The following ZNF521 variants were observed in gnomAD, a reference collection of about 807,000 sequenced individuals.
ZNF521 encodes zinc finger protein 521, also known as LYST-interacting protein 3.
ZNF521 carries 14 observed loss-of-function variants against 105.5 expected under a neutral mutation model. That is an observed-to-expected ratio of 0.13 (90% confidence interval 0.09 to 0.21). The LOEUF is 0.21. ZNF521 is among the 10% of genes least tolerant of loss of function. The pLI is 1.00. For missense variants in ZNF521, 1,233 were observed against 1,629.7 expected (o/e 0.76, Z 4.19); for synonymous variants, 635 against 606.0 (o/e 1.05, Z -0.70).
At position 25,091,939 on chromosome 18, in the gene ZNF521, A is replaced by C. The variant is rs2033756487; in HGVS notation, c.3790+11T>G. 1.2e-6 allele frequency: 2 copies of C among 1,612,896 alleles called. No homozygotes were observed. The highest frequency in any genetic ancestry group is 1.7e-5 in the Admixed American group (1 of 59,874). On this transcript the variant is annotated intron_variant, in intron 6 of 7. Coordinates refer to ENST00000361524, the MANE Select transcript of ZNF521 (RefSeq NM_015461.3). The stretch of plus-strand genomic sequence containing the variant: ...AGCCTCTCCTGTGTCTTCCTGAAAT[A>C]ATCTTCCCACCTGTAAAGCAGACTG...
intron 3 of ZNF521, among the ~76,000 whole-genome samples, chr18:25,311,621 C>G (rs772173682): frequency 6.6e-6 from 1 of 152,122 alleles, no homozygotes; most frequent in Non-Finnish European, 1.5e-5. Flanking sequence ...TAGAGCCCTT[C>G]ATTTATAATT....
At chr18:25,104,398 T>C (rs1185955810) in intron 5 of ZNF521, among the ~76,000 whole-genome samples, 1 of 152,226 alleles carries the variant, frequency 6.6e-6, no homozygotes, top group Non-Finnish European at 1.5e-5. Flanking sequence ...AAGCACAGAA[T>C]TCCAATGCTG....
intron 2 of ZNF521, among the ~76,000 whole-genome samples, chr18:25,336,269 G>A (rs1913875824): frequency 6.6e-6 from 1 of 152,024 alleles, no homozygotes; most frequent in South Asian, 2.1e-4. Flanking sequence ...TGATGACTGA[G>A]GTGATGCAGA....
chr18:25,244,918 A>G (rs2144816328), intron 3 of ZNF521, among the ~76,000 whole-genome samples: 1 of 152,354 alleles, frequency 6.6e-6, no homozygotes, highest in East Asian at 1.9e-4. Context: ...GGCTAGCCTT[A>G]AAATGTAATT....
intron 7 of ZNF521, among the ~76,000 whole-genome samples, chr18:25,071,114 T>C (rs898492928): frequency 1.3e-5 from 2 of 152,216 alleles, no homozygotes; most frequent in Non-Finnish European, 2.9e-5. Flanking sequence ...TTGAGTATGC[T>C]ACTTTGTCTT....
intron 5 of ZNF521, among the ~76,000 whole-genome samples, chr18:25,135,923 T>C (rs2034725387): frequency 6.6e-6 from 1 of 152,164 alleles, no homozygotes; most frequent in Non-Finnish European, 1.5e-5. Context: ...CAGTATAACA[T>C]ATAAACAGCT....
At chr18:25,310,680 T>C (rs1912255611) in intron 3 of ZNF521, among the ~76,000 whole-genome samples, 1 of 152,168 alleles carries the variant, frequency 6.6e-6, no homozygotes, top group Non-Finnish European at 1.5e-5. Flanking sequence ...TATTGGGTTC[T>C]TACTCACCCT....
At position 25,225,029 on chromosome 18, in the gene ZNF521, A is replaced by T; in HGVS notation, c.2889T>A (p.Ile963=). ...LGPVKHYMCP[I]CGERFPSLLT... is the part of the protein sequence containing the mutation. ...AAAGGGAGGGAAACCGCTCTCCGCA[A>T]ATAGGGCACATGTAGTGTTTGACAG... Residue 963 remains isoleucine, a synonymous_variant, in exon 4 of 8, where the codon ATT becomes ATA. Transcript: ENST00000361524. This position sits in a 1 kb window ranked among gnomAD's most constrained non-coding sequence, Gnocchi z 5.6. The T allele has an allele frequency of 6.2e-7, 1 of 1,614,190 alleles. No homozygotes were observed. The highest frequency in any genetic ancestry group is 8.5e-7 in the Non-Finnish European group (1 of 1,180,034).
intron 3 of ZNF521, among the ~76,000 whole-genome samples, chr18:25,286,473 C>T (rs1910713165): frequency 6.6e-6 from 1 of 152,200 alleles, no homozygotes; most frequent in Admixed American, 6.5e-5. Context: ...TACCACCATA[C>T]AGAGGAGAGC....
At chr18:25,223,957 T>C (rs920873576) in intron 4 of ZNF521, 2 of 242,782 alleles carry the variant, frequency 8.2e-6, no homozygotes, top group African/African-American at 4.4e-5. Context: ...TAAGCCAGCA[T>C]GGTGGCTCAT....
intron 5 of ZNF521, among the ~76,000 whole-genome samples, chr18:25,141,363 A>G (rs932676819): frequency 6.6e-6 from 1 of 152,320 alleles, no homozygotes; most frequent in East Asian, 1.9e-4. Flanking sequence ...AGAAAATGCA[A>G]TACCTTTTAG....
chr18:25,069,350 A>G (rs1260431362), intron 7 of ZNF521, among the ~76,000 whole-genome samples: 1 of 152,222 alleles, frequency 6.6e-6, no homozygotes, highest in East Asian at 1.9e-4. Flanking sequence ...AAGCATCTTA[A>G]TAAGGTTAAC....
At chr18:25,330,405 C>A (rs557546824) in intron 2 of ZNF521, among the ~76,000 whole-genome samples, 2 of 151,952 alleles carry the variant, frequency 1.3e-5, no homozygotes, top group South Asian at 4.2e-4. Flanking sequence ...ACCTCATGAT[C>A]CACCCGCCTC....
chr18:25,094,787 C>T (rs2033818836), intron 5 of ZNF521, among the ~76,000 whole-genome samples: 1 of 152,088 alleles, frequency 6.6e-6, no homozygotes, highest in South Asian at 2.1e-4. Context: ...TTGTTCATTT[C>T]CCTACTCCCT....
chr18:25,221,075 G>A (rs183583105), intron 4 of ZNF521, among the ~76,000 whole-genome samples: 7 of 152,250 alleles, frequency 4.6e-5, no homozygotes, highest in African/African-American at 1.7e-4. Context: ...AAAGAAAAAT[G>A]AATAGGTTCT....
chr18:25,205,141 T>TAA (rs34563599), intron 4 of ZNF521, among the ~76,000 whole-genome samples: 4,707 of 74,800 alleles, frequency 0.063, 352 homozygotes, highest in African/African-American at 0.14. Flanking sequence ...GTAGTGAAGG[T>TAA]AAAAAAAAAA....
intron 3 of ZNF521, among the ~76,000 whole-genome samples, chr18:25,259,238 C>T (rs898911621): frequency 5.3e-5 from 8 of 152,174 alleles, no homozygotes; most frequent in African/African-American, 1.4e-4. Flanking sequence ...GGTTACTCCT[C>T]GCCAGGAGTA....
intron 4 of ZNF521, among the ~76,000 whole-genome samples, chr18:25,212,271 G>A (rs1265887421): frequency 6.6e-6 from 1 of 151,426 alleles, no homozygotes; most frequent in East Asian, 1.9e-4. Flanking sequence ...TAGCACTTTG[G>A]GAGGCCAAGG....
chr18:25,246,331 A>G (rs1907718697), intron 3 of ZNF521, among the ~76,000 whole-genome samples: 1 of 152,222 alleles, frequency 6.6e-6, no homozygotes, highest in South Asian at 2.1e-4. Context: ...TACACTTCAT[A>G]TTTTGTGAAT....
Sources: allele counts gnomAD v4.1 joint callset (sites outside exome capture counted in the v4.1 genomes callset), GRCh38; gene constraint gnomAD v4.1.1; non-coding constraint Gnocchi (gnomAD v3.1); transcripts MANE v1.5; gene names NCBI Gene and HGNC (gene_info 2026-07-23, HGNC 2026-07-21).